ULK4: variants seen among roughly 807,000 people sequenced by gnomAD.
ULK4 encodes inactive serine/threonine-protein kinase ULK4.
In ULK4, 133 loss-of-function variants were observed where a neutral mutation model predicts 160.6. The ratio of observed to expected loss-of-function variants is 0.83; its 90% CI spans 0.72 to 0.96. The LOEUF (loss-of-function observed/expected upper bound fraction) is 0.96, where lower values mean the gene tolerates loss of function less well. ULK4 is among the 40% of genes least tolerant of loss of function. The pLI is 0.00. For synonymous variants in ULK4, 534 were observed against 539.8 expected (o/e 0.99, Z 0.15); for missense variants, 1,580 against 1,499.5 (o/e 1.05, Z -0.89).
chr3:41,476,854 GT>G (rs1032253828), intron 32 of ULK4, among the ~76,000 whole-genome samples: 1 of 152,120 alleles, frequency 6.6e-6, no homozygotes, highest in African/African-American at 2.4e-5. Context: ...CGAGACTGAA[GT>G]TTAAACACTG....
At chr3:41,747,954 A>T (rs918697540) in intron 22 of ULK4, among the ~76,000 whole-genome samples, 5 of 152,170 alleles carry the variant, frequency 3.3e-5, no homozygotes, top group Non-Finnish European at 5.9e-5. Flanking sequence ...AAGTAGACAC[A>T]ACTATGAAAT....
intron 32 of ULK4, among the ~76,000 whole-genome samples, chr3:41,526,842 T>G (rs1418458809): frequency 6.6e-6 from 1 of 152,210 alleles, no homozygotes; most frequent in Admixed American, 6.5e-5. Flanking sequence ...GGAATTGTGT[T>G]TCTGTTGTTT....
intron 21 of ULK4, among the ~76,000 whole-genome samples, chr3:41,769,682 G>A (rs2039288119): frequency 2.0e-5 from 3 of 152,028 alleles, no homozygotes; most frequent in Admixed American, 6.6e-5. Context: ...TAAAATGATA[G>A]GAATCTCTCT....
At chr3:41,362,606 C>T (rs2081169164) in intron 35 of ULK4, among the ~76,000 whole-genome samples, 1 of 152,176 alleles carries the variant, frequency 6.6e-6, no homozygotes, top group Non-Finnish European at 1.5e-5. Flanking sequence ...GATTTTATAA[C>T]TCTAAAATGG....
At position 41,915,960 on chromosome 3, in the gene ULK4, C is replaced by T. The variant is rs750897880; in HGVS notation, c.803+17G>A. 30 of 1,549,344 alleles carry T rather than the reference C, an allele frequency of 1.9e-5. No individual in the cohort carries two copies. Among genetic ancestry groups the T allele is most frequent in the African/African-American group, 1.2e-4 (9 of 72,432 alleles). The stretch of plus-strand genomic sequence containing the variant: ...ACTCAAAAGAAAAAGAAAAAAAGAT[C>T]GAACTACTGTCCCTACCTTTTCTGA... On this transcript the variant is annotated intron_variant, in intron 8 of 36. Coordinates refer to ENST00000301831, the MANE Select transcript of ULK4 (RefSeq NM_017886.4).
intron 27 of ULK4, among the ~76,000 whole-genome samples, chr3:41,702,130 AT>A (rs1350741069): frequency 3.3e-5 from 5 of 152,116 alleles, no homozygotes; most frequent in East Asian, 3.8e-4. Context: ...TAATTTTTTA[AT>A]TTTTTAATTA....
At chr3:41,713,097 A>G (rs1043630208) in intron 25 of ULK4, among the ~76,000 whole-genome samples, 1 of 152,042 alleles carries the variant, frequency 6.6e-6, no homozygotes, top group African/African-American at 2.4e-5. Context: ...GAAAAAAAAA[A>G]GCCCTCTCAA....
intron 22 of ULK4, among the ~76,000 whole-genome samples, chr3:41,748,230 TAC>T (rs72162368): frequency 0.18 from 26,841 of 149,836 alleles, 2,480 homozygotes; most frequent in Middle Eastern, 0.31. Context: ...CATATATATA[TAC>T]ACACACACAC....
intron 19 of ULK4, among the ~76,000 whole-genome samples, chr3:41,813,275 C>T (rs2040869283): frequency 6.6e-6 from 1 of 152,048 alleles, no homozygotes; most frequent in African/African-American, 2.4e-5. Context: ...AACAATCCTG[C>T]ACACATACCC....
rs565248459 is a variant in ULK4 at position 41,352,352 on chromosome 3, A to C, written c.3678+45727T>G. On this transcript the variant is annotated intron_variant, in intron 35 of 36. Transcript: ENST00000301831. Reference sequence around the variant, plus strand: ...AGTACACACGGCTTCCCCCTCCTTTATCTTTAAGGCACCACTGACTAGTAC... The same window carrying C: ...AGTACACACGGCTTCCCCCTCCTTTCTCTTTAAGGCACCACTGACTAGTAC... Among the ~76,000 whole-genome samples the C allele has an allele frequency of 4.6e-5, 7 of 152,288 alleles. No individual in the cohort carries two copies. In the South Asian group the frequency reaches 1.5e-3, roughly 32 times the overall value.
chr3:41,684,208 C>A (rs1446037776), intron 27 of ULK4, among the ~76,000 whole-genome samples: 1 of 152,212 alleles, frequency 6.6e-6, no homozygotes, highest in African/African-American at 2.4e-5. Context: ...CACAGAAAGG[C>A]AACCCAGAAA....
At chr3:41,684,961 A>G (rs545266779) in intron 27 of ULK4, among the ~76,000 whole-genome samples, 12 of 152,370 alleles carry the variant, frequency 7.9e-5, no homozygotes, top group African/African-American at 2.9e-4. Flanking sequence ...TGGCTACTCT[A>G]GTTTCCTTCT....
At chr3:41,882,176 TG>T in intron 17 of ULK4, 2 of 702,382 alleles carry the variant, frequency 2.8e-6, no homozygotes, top group African/African-American at 1.7e-5. Flanking sequence ...TTATTTATTT[TG>T]AAATATTTGT....
At chr3:41,552,370 TCCAA>T (rs1283005736) in intron 32 of ULK4, among the ~76,000 whole-genome samples, 1 of 151,768 alleles carries the variant, frequency 6.6e-6, no homozygotes, top group Non-Finnish European at 1.5e-5. Context: ...AACTAAACAC[TCCAA>T]CCAAAAACCT....
At chr3:41,528,642 G>A (rs1295138871) in intron 32 of ULK4, among the ~76,000 whole-genome samples, 1 of 152,156 alleles carries the variant, frequency 6.6e-6, no homozygotes, top group East Asian at 1.9e-4. Context: ...CAAGACCAGA[G>A]ATGAAAGATA....
intron 17 of ULK4, among the ~76,000 whole-genome samples, chr3:41,852,101 A>G (rs951376550): frequency 2.0e-5 from 3 of 152,224 alleles, no homozygotes; most frequent in Non-Finnish European, 4.4e-5. Flanking sequence ...AGAGAATACT[A>G]TAAATACCTC....
At chr3:41,537,268 C>CA (rs35991755) in intron 32 of ULK4, among the ~76,000 whole-genome samples, 77,540 of 151,774 alleles carry the variant, frequency 0.51, 19,909 homozygotes, top group Middle Eastern at 0.58. Flanking sequence ...AAGTTATGCA[C>CA]TCTGGACATA....
intron 30 of ULK4, among the ~76,000 whole-genome samples, chr3:41,657,661 T>C (rs2034989000): frequency 6.6e-6 from 1 of 151,406 alleles, no homozygotes; most frequent in Non-Finnish European, 1.5e-5. Context: ...CTACTAAAAA[T>C]ACAAAAATTA....
intron 22 of ULK4, among the ~76,000 whole-genome samples, chr3:41,719,026 T>C (rs998566274): frequency 9.9e-5 from 15 of 152,146 alleles, no homozygotes; most frequent in Non-Finnish European, 1.8e-4. Flanking sequence ...CAATCTGGCT[T>C]TCTCTCTCAT....
Sources: allele counts gnomAD v4.1 joint callset (sites outside exome capture counted in the v4.1 genomes callset), GRCh38; gene constraint gnomAD v4.1.1; transcripts MANE v1.5; gene names NCBI Gene and HGNC (gene_info 2026-07-23, HGNC 2026-07-21).